CTNNA3: variants seen among roughly 807,000 people sequenced by gnomAD.
CTNNA3 encodes the protein catenin alpha 3.
CTNNA3 carries 76 observed loss-of-function variants against 95.7 expected under a neutral mutation model. The ratio of observed to expected loss-of-function variants is 0.79; its 90% CI spans 0.66 to 0.96. The LOEUF is 0.96. CTNNA3 is among the 40% of genes least tolerant of loss of function. CTNNA3 has a pLI of 0.00. For synonymous variants in CTNNA3, 431 were observed against 374.4 expected, an observed-to-expected ratio of 1.15 and a Z score of -1.74; for missense variants, 1,191 against 1,089.8, an observed-to-expected ratio of 1.09 and a Z score of -1.31.
chr10:66,866,358 C>G (rs2132426456), intron 7 of CTNNA3, among the ~76,000 whole-genome samples: 1 of 152,284 alleles, frequency 6.6e-6, no homozygotes, highest in Admixed American at 6.5e-5. Context: ...AGGTCTTCAC[C>G]TTTGCATCCT....
At chr10:66,403,344 C>T (rs1309642173) in intron 11 of CTNNA3, among the ~76,000 whole-genome samples, 6 of 152,044 alleles carry the variant, frequency 3.9e-5, no homozygotes, top group African/African-American at 1.4e-4. Context: ...ATACCTGTGA[C>T]CAGGTAATTG....
At chr10:67,178,610 A>G (rs1215792055) in intron 7 of CTNNA3, among the ~76,000 whole-genome samples, 2 of 152,120 alleles carry the variant, frequency 1.3e-5, no homozygotes, top group East Asian at 3.9e-4. Flanking sequence ...AAGTGTGCAC[A>G]TGTATATATA....
At chr10:67,191,529 C>T (rs1863118487) in intron 6 of CTNNA3, among the ~76,000 whole-genome samples, 1 of 151,548 alleles carries the variant, frequency 6.6e-6, no homozygotes, top group Non-Finnish European at 1.5e-5. Flanking sequence ...CACTTAGAAA[C>T]AAATTTAACC....
chr10:66,601,433 T>A (rs1263140347), intron 10 of CTNNA3, among the ~76,000 whole-genome samples: 2 of 151,910 alleles, frequency 1.3e-5, no homozygotes, highest in South Asian at 4.1e-4. Flanking sequence ...CTATGCAATA[T>A]CATATTGATA....
intron 13 of CTNNA3, among the ~76,000 whole-genome samples, chr10:66,110,435 A>T (rs1190149620): frequency 1.3e-5 from 2 of 152,016 alleles, no homozygotes; most frequent in African/African-American, 2.4e-5. Context: ...ACAATAGCTA[A>T]GAGATGGAAG....
intron 3 of CTNNA3, among the ~76,000 whole-genome samples, chr10:67,547,764 A>G (rs1176358270): frequency 6.6e-6 from 1 of 152,222 alleles, no homozygotes; most frequent in Non-Finnish European, 1.5e-5. Flanking sequence ...CCATTACAAA[A>G]GTAAATACAT....
At chr10:67,192,035 A>C (rs926538481) in intron 6 of CTNNA3, among the ~76,000 whole-genome samples, 18 of 150,308 alleles carry the variant, frequency 1.2e-4, no homozygotes, top group African/African-American at 2.2e-4. Flanking sequence ...TTACAGACAA[A>C]AATAAAATAA....
chr10:66,163,265 G>C (rs1310045029), intron 13 of CTNNA3, among the ~76,000 whole-genome samples: 1 of 152,030 alleles, frequency 6.6e-6, no homozygotes, highest in Non-Finnish European at 1.5e-5. Flanking sequence ...AGTTCCGTTA[G>C]TGATTTCCTC....
chr10:67,234,794 T>C (rs1436212682), intron 5 of CTNNA3, among the ~76,000 whole-genome samples: 1 of 152,066 alleles, frequency 6.6e-6, no homozygotes, highest in Non-Finnish European at 1.5e-5. Context: ...CTCCTTAAGC[T>C]GATAAGCAAC....
intron 5 of CTNNA3, among the ~76,000 whole-genome samples, chr10:67,340,254 AAAT>A (rs1254886520): frequency 6.6e-6 from 1 of 152,234 alleles, no homozygotes; most frequent in African/African-American, 2.4e-5. Flanking sequence ...AATTATGTTT[AAAT>A]AATATTACCA....
intron 5 of CTNNA3, among the ~76,000 whole-genome samples, chr10:67,370,877 T>TG (rs1212197716): frequency 6.6e-6 from 1 of 150,596 alleles, no homozygotes; most frequent in Non-Finnish European, 1.5e-5. Flanking sequence ...TTGTTTTTTT[T>TG]TTTTTTTGAG....
At chr10:66,264,167 A>G (rs1589889354) in intron 13 of CTNNA3, among the ~76,000 whole-genome samples, 1 of 152,120 alleles carries the variant, frequency 6.6e-6, no homozygotes, top group East Asian at 1.9e-4. Context: ...AAATGAGCAA[A>G]TTCAATATCT....
At chr10:67,250,555 A>T (rs946728448) in intron 5 of CTNNA3, among the ~76,000 whole-genome samples, 1 of 152,106 alleles carries the variant, frequency 6.6e-6, no homozygotes. Flanking sequence ...TCCGCAGGGC[A>T]GATTTCAAGA....
chr10:66,640,081 G>A (rs191081958), intron 9 of CTNNA3, among the ~76,000 whole-genome samples: 2 of 152,266 alleles, frequency 1.3e-5, no homozygotes, highest in East Asian at 3.9e-4. Flanking sequence ...GGAAAACACT[G>A]TTAAATACAA....
At chr10:66,658,243 T>C (rs935382644) in intron 9 of CTNNA3, among the ~76,000 whole-genome samples, 2 of 138,812 alleles carry the variant, frequency 1.4e-5, no homozygotes, top group African/African-American at 2.5e-5. Flanking sequence ...TCTCTCTCTC[T>C]CCCCCTCCCT....
chr10:66,577,531 A>G (rs182504795), intron 10 of CTNNA3, among the ~76,000 whole-genome samples: 1 of 152,104 alleles, frequency 6.6e-6, no homozygotes, highest in Non-Finnish European at 1.5e-5. Context: ...TTCAGTTTCA[A>G]TCTTTTGCAT....
chr10:67,393,237 G>A (rs1402522547), intron 5 of CTNNA3, among the ~76,000 whole-genome samples: 1 of 152,024 alleles, frequency 6.6e-6, no homozygotes, highest in South Asian at 2.1e-4. Flanking sequence ...CCTTATTCAG[G>A]ATCATATTAT....
chr10:66,860,224 T>A (rs1252229815), intron 7 of CTNNA3, among the ~76,000 whole-genome samples: 1 of 152,120 alleles, frequency 6.6e-6, no homozygotes, highest in Non-Finnish European at 1.5e-5. Flanking sequence ...CTAAAAGAAT[T>A]GACTTCTTAC....
At chr10:67,450,485 A>AT (rs1846936601) in intron 5 of CTNNA3, among the ~76,000 whole-genome samples, 1 of 152,212 alleles carries the variant, frequency 6.6e-6, no homozygotes, top group Non-Finnish European at 1.5e-5. Context: ...TTGAAGGGAC[A>AT]TAGATTGAGC....
Sources: gnomAD v4.1 joint callset for allele counts (sites outside exome capture counted in the v4.1 genomes callset) on GRCh38, gnomAD v4.1.1 for gene constraint, MANE v1.5 for transcripts, NCBI Gene and HGNC (gene_info 2026-07-23, HGNC 2026-07-21) for gene names.